Variants in BTBD16 observed in about 807,000 individuals in gnomAD.
BTBD16 encodes the protein BTB/POZ domain-containing protein 16.
In BTBD16, 66 loss-of-function variants were observed where a neutral mutation model predicts 67.4. The ratio of observed to expected loss-of-function variants is 0.98; its 90% CI spans 0.80 to 1.20. The LOEUF (loss-of-function observed/expected upper bound fraction) is 1.20, where lower values mean the gene tolerates loss of function less well. Ranked by LOEUF, BTBD16 falls within the 50% of genes most tolerant of loss-of-function variation. BTBD16 has a pLI of 0.00. For synonymous variants in BTBD16, 242 were observed against 236.4 expected (o/e 1.02, Z -0.22); for missense variants, 634 against 616.0 (o/e 1.03, Z -0.31).
rs201413524 is a variant in BTBD16, at chr10:122,286,220, C to A, written c.357C>A (p.Pro119=). 5.9e-4 allele frequency: 949 copies of A among 1,611,666 alleles called. 5 individuals are homozygous for A. Among genetic ancestry groups the A allele is most frequent in the South Asian group, 4.6e-3 (414 of 90,886 alleles). Residue 119 remains proline, a synonymous_variant, in exon 5 of 16, where the codon CCC becomes CCA. Transcript: ENST00000260723. The part of the protein sequence containing the change: ...LKALAQGTTH[P]LRELEELLRA... Reference sequence around the variant, plus strand: ...CCCTGGCGCAGGGCACCACACACCCCCTGAGGGAGCTGGAGGAGCTTCTGC... The same window carrying A: ...CCCTGGCGCAGGGCACCACACACCCACTGAGGGAGCTGGAGGAGCTTCTGC...
intron 10 of BTBD16, among the ~76,000 whole-genome samples, chr10:122,317,417 G>C (rs1320504274): frequency 2.0e-5 from 3 of 152,118 alleles, no homozygotes; most frequent in Admixed American, 1.3e-4. Flanking sequence ...GGAGGCCGAG[G>C]CTGGTGGATC....
At chr10:122,275,515 A>G (rs10749455) in intron 2 of BTBD16, among the ~76,000 whole-genome samples, 72,085 of 152,028 alleles carry the variant, frequency 0.47, 18,139 homozygotes, top group East Asian at 0.89. Context: ...TACCGTCACC[A>G]CCACCACCCA....
chr10:122,292,691 G>A (rs1325843618), intron 7 of BTBD16, among the ~76,000 whole-genome samples: 3 of 152,174 alleles, frequency 2.0e-5, no homozygotes, highest in African/African-American at 7.2e-5. Context: ...GGCTCCTCTG[G>A]GAGGCCAAGG....
chr10:122,299,061 C>A lies in BTBD16; in HGVS notation c.718C>A (p.Pro240Thr). Residue 240 changes from proline to threonine, a missense_variant, in exon 9 of 16, where the codon CCT becomes ACT. Physicochemically the swap from Pro to Thr is conservative, Grantham distance 38 (BLOSUM62 -1). Coordinates refer to ENST00000260723, the MANE Select transcript of BTBD16 (RefSeq NM_144587.5). ...CEKWLEMNLV[P>T]LGGTQIHLHK... ...GAAGTGGCTGGAAATGAACTTGGTT[C>A]CTCTAGGGGGGACGCAGATCCACCT... 1 of 1,614,030 alleles carries A rather than the reference C, an allele frequency of 6.2e-7. No individual in the cohort carries two copies. The highest frequency in any genetic ancestry group is 8.5e-7 in the Non-Finnish European group (1 of 1,179,996).
At chr10:122,272,180 A>G (rs1222932122) in intron 1 of BTBD16, among the ~76,000 whole-genome samples, 2 of 152,218 alleles carry the variant, frequency 1.3e-5, no homozygotes. Flanking sequence ...GCCATCAAGG[A>G]AAACACACAT....
At chr10:122,331,854 C>T (rs1016661647) in intron 12 of BTBD16, 4 of 154,520 alleles carry the variant, frequency 2.6e-5, no homozygotes, top group African/African-American at 9.6e-5. Context: ...ATGCAAGCCA[C>T]AGTGCTCAGC....
intron 11 of BTBD16, 65 bp downstream of exon 11, chr10:122,329,636 C>T: frequency 1.5e-6 from 2 of 1,375,390 alleles, no homozygotes; most frequent in Non-Finnish European, 2.0e-6. Context: ...ACCCCCCAGC[C>T]ACTGCCGGGG....
intron 3 of BTBD16, among the ~76,000 whole-genome samples, chr10:122,279,526 A>ACACACC (rs2096347945): frequency 6.6e-6 from 1 of 151,590 alleles, no homozygotes; most frequent in Admixed American, 6.6e-5. Context: ...ACACACACAC[A>ACACACC]CACACACACA....
intron 10 of BTBD16, among the ~76,000 whole-genome samples, chr10:122,315,574 G>A (rs970374765): frequency 6.6e-6 from 1 of 152,150 alleles, no homozygotes; most frequent in African/African-American, 2.4e-5. Context: ...AAGAGTTTGG[G>A]AGAGACTGCT....
intron 10 of BTBD16, among the ~76,000 whole-genome samples, chr10:122,316,503 G>A (rs1477341737): frequency 6.6e-6 from 1 of 152,176 alleles, no homozygotes; most frequent in African/African-American, 2.4e-5. Context: ...CACAAACCTA[G>A]ATGGCATAGC....
In BTBD16 at chr10:122,329,572, G is replaced by T; in HGVS notation, c.1003+1G>T. On this transcript the variant is annotated splice_donor_variant, in intron 11 of 15. Transcript: ENST00000260723. LOFTEE classifies it high-confidence loss of function. ...TTGCGTCTGCACGGCATCACCAAAG[G>T]TAAGCCCCAGTCCAGGCGAGCGCAT... is the stretch of plus-strand genomic sequence containing the variant. 1 of 1,613,292 alleles carries T rather than the reference G, an allele frequency of 6.2e-7. No individual in the cohort carries two copies. Among genetic ancestry groups the T allele is most frequent in the South Asian group, 1.1e-5 (1 of 91,070 alleles).
chr10:122,298,051 A>G (rs558110275), intron 8 of BTBD16, among the ~76,000 whole-genome samples: 1 of 152,292 alleles, frequency 6.6e-6, no homozygotes, highest in African/African-American at 2.4e-5. Context: ...AAAAAAATAG[A>G]AAGACTTTAA....
chr10:122,287,120 C>G (rs890632358), intron 5 of BTBD16, among the ~76,000 whole-genome samples: 1 of 152,232 alleles, frequency 6.6e-6, no homozygotes, highest in Admixed American at 6.5e-5. Flanking sequence ...TGACTCAGCC[C>G]TTCCCCGCTG....
chr10:122,334,132 C>T (rs145774858), intron 13 of BTBD16, among the ~76,000 whole-genome samples: 118 of 151,866 alleles, frequency 7.8e-4, no homozygotes, highest in African/African-American at 2.4e-3. Context: ...ACTTTCAAAT[C>T]AGTTGCTGAA....
intron 9 of BTBD16, among the ~76,000 whole-genome samples, chr10:122,301,966 C>T (rs894961584): frequency 2.6e-5 from 4 of 152,190 alleles, no homozygotes; most frequent in African/African-American, 7.2e-5. Flanking sequence ...TAGTGAGAAC[C>T]GAGTGGTCCC....
intron 7 of BTBD16, chr10:122,294,032 A>C (rs11200537): frequency 0.029 from 21,443 of 739,890 alleles, 643 homozygotes; most frequent in East Asian, 0.22. Flanking sequence ...TAATGAGCCA[A>C]ACCTTTCATT....
In BTBD16 at chr10:122,303,123, G is replaced by A. The variant is rs568925269; in HGVS notation, c.791+3989G>A. Among the ~76,000 whole-genome samples the A allele has an allele frequency of 2.0e-5, 3 of 152,196 alleles. No homozygotes were observed. In the South Asian group the frequency reaches 6.2e-4, roughly 32 times the overall value. On this transcript the variant is annotated intron_variant, in intron 9 of 15. Coordinates refer to ENST00000260723, the MANE Select transcript of BTBD16 (RefSeq NM_144587.5). Reference sequence around the variant, plus strand: ...ATTGTACTCATCTCCCCAAATGAACGAATATTAATATTTTGTCTTAAATTG... The same window carrying A: ...ATTGTACTCATCTCCCCAAATGAACAAATATTAATATTTTGTCTTAAATTG...
At position 122,286,184 on chromosome 10, in the gene BTBD16, C is replaced by G; in HGVS notation, c.321C>G (p.Leu107=). The G allele has an allele frequency of 1.2e-6, 2 of 1,614,032 alleles. No individual in the cohort carries two copies. The highest frequency in any genetic ancestry group is 8.5e-7 in the Non-Finnish European group (1 of 1,179,916). ...QLFQSETLAK[L]YLKALAQGTT... Reference sequence around the variant, plus strand: ...TTCAGTCTGAGACCTTGGCCAAGCTCTACCTGAAAGCCCTGGCGCAGGGCA... The same window carrying G: ...TTCAGTCTGAGACCTTGGCCAAGCTGTACCTGAAAGCCCTGGCGCAGGGCA... Residue 107 remains leucine (L), a synonymous_variant, in exon 5 of 16, where the codon CTC becomes CTG. Transcript: ENST00000260723.
At chr10:122,332,712 C>T in intron 13 of BTBD16, 199 bp downstream of exon 13, 1 of 732,582 alleles carries the variant, frequency 1.4e-6, no homozygotes, top group South Asian at 6.1e-5. Flanking sequence ...TGGGGCGGGC[C>T]ATTTAATAAT....
Sources: allele counts gnomAD v4.1 joint callset (sites outside exome capture counted in the v4.1 genomes callset), GRCh38; gene constraint gnomAD v4.1.1; transcripts MANE v1.5; gene names NCBI Gene and HGNC (gene_info 2026-07-23, HGNC 2026-07-21).